The following SHC3 variants were observed in gnomAD, a reference collection of about 807,000 sequenced individuals.
SHC3 encodes SHC-transforming protein 3.
A neutral mutation model predicts 60.4 loss-of-function variants in SHC3; 15 were observed. The observed-to-expected ratio is 0.25, with a 90% confidence interval of 0.17 to 0.38. The LOEUF is 0.38. Among genes scored for constraint, SHC3 ranks in the 10% least tolerant of loss-of-function variants. The pLI is 1.00. For synonymous variants in SHC3, 294 were observed against 325.9 expected (o/e 0.90, Z 1.05); for missense variants, 677 against 786.1 (o/e 0.86, Z 1.66).
intron 9 of SHC3, among the ~76,000 whole-genome samples, chr9:89,045,279 CT>C (rs35967148): frequency 0.011 from 1,312 of 122,256 alleles, 19 homozygotes; most frequent in African/African-American, 0.033. Flanking sequence ...AACACTGTTG[CT>C]TTTTTTTTTT....
intron 1 of SHC3, among the ~76,000 whole-genome samples, chr9:89,115,595 T>A (rs1826009050): frequency 6.6e-6 from 1 of 152,102 alleles, no homozygotes; most frequent in Admixed American, 6.6e-5. Context: ...CATAATTATG[T>A]TAACACCATG....
At chr9:89,034,533 G>A (rs973067081) in intron 11 of SHC3, among the ~76,000 whole-genome samples, 1 of 152,190 alleles carries the variant, frequency 6.6e-6, no homozygotes, top group African/African-American at 2.4e-5. Context: ...GGCAGGAGGT[G>A]AAACTGTCCA....
In SHC3 at chr9:89,178,455, A is replaced by T; in HGVS notation, c.6T>A (p.Leu2=). ...TGAAGCGGTTATACTTGGTGCGTGG[A>T]AGCATGCCCCTCCGTGGGCTCGCTG... is the stretch of plus-strand genomic sequence containing the variant. The part of the protein sequence containing the change: M[L]PRTKYNRFRN... The change falls in exon 1 of 12, where the codon CTT becomes CTA. Residue 2 remains leucine (L), a synonymous_variant. Transcript: ENST00000375835. The surrounding 1 kb of genome is among the most constrained non-coding windows in gnomAD (Gnocchi z 6.9). 2 of 1,441,876 alleles carry T rather than the reference A, an allele frequency of 1.4e-6. No individual in the cohort carries two copies. Among genetic ancestry groups the T allele is most frequent in the Non-Finnish European group, 1.8e-6 (2 of 1,088,108 alleles). 89.3% of individuals were successfully genotyped at this position (1,441,876 alleles called of 1,614,324 possible).
At chr9:89,048,784 G>A (rs1824813944) in intron 7 of SHC3, among the ~76,000 whole-genome samples, 1 of 152,190 alleles carries the variant, frequency 6.6e-6, no homozygotes, top group African/African-American at 2.4e-5. Context: ...TTCCCAGGCT[G>A]CACCCTGCTG....
At chr9:89,177,867 T>C (rs1234600530) in intron 1 of SHC3, 120 bp downstream of exon 1, 2 of 1,131,120 alleles carry the variant, frequency 1.8e-6, no homozygotes, top group Non-Finnish European at 1.1e-6. Flanking sequence ...GCGCATTTGC[T>C]TGCCTCTAAC....
intron 6 of SHC3, among the ~76,000 whole-genome samples, chr9:89,064,198 T>C (rs556458024): frequency 6.6e-6 from 1 of 152,294 alleles, no homozygotes; most frequent in South Asian, 2.1e-4. Flanking sequence ...TACCATCATA[T>C]TGGGGGTTTC....
chr9:89,023,098 G>A (rs541332032), intron 11 of SHC3, among the ~76,000 whole-genome samples: 3 of 152,298 alleles, frequency 2.0e-5, no homozygotes, highest in East Asian at 1.9e-4. Flanking sequence ...GAGGGCAGGC[G>A]CAGGCTTCCT....
intron 1 of SHC3, among the ~76,000 whole-genome samples, chr9:89,126,049 C>T (rs976956244): frequency 2.0e-5 from 3 of 152,116 alleles, no homozygotes; most frequent in Non-Finnish European, 4.4e-5. Flanking sequence ...GGATCAGGAC[C>T]ACGTTCAGGC....
intron 5 of SHC3, among the ~76,000 whole-genome samples, chr9:89,069,601 C>G (rs776172322): frequency 4.6e-5 from 7 of 152,228 alleles, no homozygotes; most frequent in Non-Finnish European, 1.0e-4. Flanking sequence ...AAAGAACCAT[C>G]TGCTGGGTGG....
chr9:89,093,745 T>C (rs533922687), intron 2 of SHC3, among the ~76,000 whole-genome samples: 26 of 152,280 alleles, frequency 1.7e-4, no homozygotes, highest in Middle Eastern at 6.8e-3. Context: ...GTCTGGAATA[T>C]TCTGATCTGG....
intron 11 of SHC3, among the ~76,000 whole-genome samples, chr9:89,032,667 T>C (rs975212871): frequency 8.5e-5 from 13 of 152,154 alleles, no homozygotes; most frequent in African/African-American, 3.1e-4. Flanking sequence ...GCTCAGAAGA[T>C]GCCCCACGCA....
chr9:89,110,575 G>A (rs1825932825), intron 2 of SHC3: 1 of 615,162 alleles, frequency 1.6e-6, no homozygotes, highest in Non-Finnish European at 2.0e-6. Flanking sequence ...TCATTCTGAA[G>A]TTGATTTGTC....
chr9:89,165,507 T>G (rs1168894609), intron 1 of SHC3, among the ~76,000 whole-genome samples: 1 of 139,720 alleles, frequency 7.2e-6, no homozygotes, highest in Non-Finnish European at 1.5e-5. Flanking sequence ...AGATCAGTAG[T>G]TTATTGCAAT....
intron 4 of SHC3, among the ~76,000 whole-genome samples, chr9:89,072,960 C>G (rs761701855): frequency 9.9e-5 from 15 of 151,982 alleles, no homozygotes; most frequent in Non-Finnish European, 2.1e-4. Flanking sequence ...ATCTAGAAAC[C>G]CCTGAGTACA....
intron 1 of SHC3, among the ~76,000 whole-genome samples, chr9:89,120,929 G>T (rs1190441847): frequency 6.6e-6 from 1 of 151,168 alleles, no homozygotes; most frequent in African/African-American, 2.4e-5. Flanking sequence ...TTATTTAAAA[G>T]AAATTTATTT....
chr9:89,172,528 GAC>G (rs572394816), intron 1 of SHC3, among the ~76,000 whole-genome samples: 9 of 150,040 alleles, frequency 6.0e-5, no homozygotes, highest in Admixed American at 1.3e-4. Flanking sequence ...CACAGACACA[GAC>G]ACACACACAC....
intron 5 of SHC3, among the ~76,000 whole-genome samples, chr9:89,067,627 A>C (rs1375272686): frequency 6.6e-6 from 1 of 152,194 alleles, no homozygotes; most frequent in Non-Finnish European, 1.5e-5. Flanking sequence ...TTTCTGCTTG[A>C]ATAGAAGAAA....
chr9:89,098,476 G>C (rs1587725776), intron 2 of SHC3, among the ~76,000 whole-genome samples: 3 of 152,176 alleles, frequency 2.0e-5, no homozygotes, highest in Admixed American at 2.0e-4. Flanking sequence ...AGTTAGTGTT[G>C]AAGAGGTATG....
At chr9:89,057,019 G>A (rs983820757) in intron 6 of SHC3, among the ~76,000 whole-genome samples, 6 of 152,244 alleles carry the variant, frequency 3.9e-5, no homozygotes, top group African/African-American at 1.4e-4. Flanking sequence ...TCCAGTGGCT[G>A]CTGATCCAGA....
Sources: allele counts gnomAD v4.1 joint callset (sites outside exome capture counted in the v4.1 genomes callset), GRCh38; gene constraint gnomAD v4.1.1; non-coding constraint Gnocchi (gnomAD v3.1); transcripts MANE v1.5; gene names NCBI Gene and HGNC (gene_info 2026-07-23, HGNC 2026-07-21).